The following TYMS variants were observed in gnomAD, a reference collection of about 807,000 sequenced individuals.
TYMS encodes thymidylate synthase.
TYMS carries 21 observed loss-of-function variants against 39.3 expected under a neutral mutation model. The ratio of observed to expected loss-of-function variants is 0.54; its 90% CI spans 0.38 to 0.77. The LOEUF is 0.77. TYMS is among the 30% of genes least tolerant of loss of function. The pLI, the probability that TYMS is intolerant of heterozygous loss-of-function variation, is 0.00. For missense variants in TYMS, 273 were observed against 406.7 expected (o/e 0.67, Z 2.83); for synonymous variants, 171 against 162.2 (o/e 1.05, Z -0.41).
Position 670,707 on chromosome 18 carries a change from C to T in TYMS, c.572C>T (p.Ala191Val), listed in dbSNP as rs376500183. The part of the protein sequence containing the change: ...AWNPRDLPLM[A>V]LPPCHALCQF... ...GGTTCCTCAGATCTTCCTCTGATGG[C>T]GCTGCCTCCATGCCATGCCCTCTGC... Residue 191 changes from alanine (A) to valine (V), a missense_variant, in exon 5 of 7, where the codon GCG (alanine) becomes GTG (valine). Physicochemically the swap from Ala to Val is moderately conservative, Grantham distance 64 (BLOSUM62 0). Around this residue, in one of 3 missense-constraint regions of TYMS, gnomAD observed 228 missense variants for 326.1 expected, o/e 0.70. Transcript: ENST00000323274. 37 of 1,613,896 alleles carry T rather than the reference C, an allele frequency of 2.3e-5. No homozygotes were observed. Among genetic ancestry groups the T allele is most frequent in the Admixed American group, 3.3e-5 (2 of 59,976 alleles).
chr18:659,742 A>T (rs1344775143), intron 2 of TYMS, 28 bp downstream of exon 2: 1 of 1,585,674 alleles, frequency 6.3e-7, no homozygotes, highest in Admixed American at 1.7e-5. Flanking sequence ...ATTAGAAGTC[A>T]GTAGTCTGTT....
chr18:659,989 G>A (rs772784745), intron 2 of TYMS, among the ~76,000 whole-genome samples: 22 of 152,188 alleles, frequency 1.4e-4, no homozygotes, highest in Non-Finnish European at 2.9e-4. Flanking sequence ...CATGAGAATT[G>A]CTCACGAGGC....
chr18:662,504 CTT>C (rs11411741), intron 3 of TYMS, among the ~76,000 whole-genome samples, 184 bp downstream of exon 3: 152 of 134,662 alleles, frequency 1.1e-3, no homozygotes, highest in African/African-American at 3.8e-3. Context: ...GTTTCACACT[CTT>C]TTTTTTTTTT....
chr18:666,338 C>T (rs1205865672), intron 3 of TYMS, among the ~76,000 whole-genome samples: 3 of 152,032 alleles, frequency 2.0e-5, no homozygotes, highest in East Asian at 1.9e-4. Flanking sequence ...TGAGCCACAG[C>T]GTGCTGTAGG....
chr18:667,430 A>C lies in TYMS; in HGVS notation c.455-1642A>C, dbSNP rs373913226. 1.2e-3 allele frequency among the ~76,000 whole-genome samples: 2 copies of C among 1,708 alleles called. 1 individual carries two copies. The highest frequency in any genetic ancestry group is 5.7e-3 in the African/African-American group (2 of 348). 1.1% of individuals were successfully genotyped at this position (1,708 alleles called of 152,430 possible). A position where few individuals can be genotyped will look rare whatever the true frequency, so the allele number is the denominator to read the frequency against. On this transcript the variant is annotated intron_variant, in intron 3 of 6. Transcript: ENST00000323274. ...GTGATGGTGATGGTGATGGTGATGG[A>C]GATGGTGATGGTGATGGTGATGGTG...
At chr18:664,945 T>C (rs925099863) in intron 3 of TYMS, among the ~76,000 whole-genome samples, 5 of 145,626 alleles carry the variant, frequency 3.4e-5, no homozygotes, top group Admixed American at 3.4e-4. Context: ...GAATTTTGCA[T>C]CAATGTTCAT....
intron 6 of TYMS, chr18:671,708 C>A: frequency 2.0e-6 from 1 of 500,184 alleles, no homozygotes; most frequent in Non-Finnish European, 3.5e-6. Flanking sequence ...ACATTCAAGC[C>A]AGGGGATTGT....
At chr18:661,464 T>G (rs776003394) in intron 2 of TYMS, among the ~76,000 whole-genome samples, 2 of 152,252 alleles carry the variant, frequency 1.3e-5, no homozygotes, top group African/African-American at 2.4e-5. Context: ...TTGAACAGAT[T>G]GCATGTAGGC....
chr18:659,420 C>G (rs1350816733), intron 1 of TYMS, among the ~76,000 whole-genome samples: 1 of 152,144 alleles, frequency 6.6e-6, no homozygotes, highest in Non-Finnish European at 1.5e-5. Context: ...CCTGTGTCCA[C>G]TGGTCACCGG....
chr18:662,386 T>C, intron 3 of TYMS, 66 bp downstream of exon 3: 1 of 1,449,780 alleles, frequency 6.9e-7, no homozygotes, highest in Non-Finnish European at 9.4e-7. Flanking sequence ...TGCTCCGTTG[T>C]TTTAGATAAG....
chr18:666,960 T>G (rs1598468309), intron 3 of TYMS, among the ~76,000 whole-genome samples: 1 of 22,622 alleles, frequency 4.4e-5, no homozygotes, highest in Non-Finnish European at 8.4e-5. Flanking sequence ...GTGATGGAGA[T>G]GGAGATGGTG....
chr18:671,191 T>C (rs2075030059), intron 5 of TYMS, 189 bp from the exon 6 acceptor site: 1 of 617,306 alleles, frequency 1.6e-6, no homozygotes, highest in Non-Finnish European at 2.8e-6. Context: ...AGCAATTGCT[T>C]GAGGTCTGGA....
At chr18:670,166 CCA>C (rs1465324207) in intron 4 of TYMS, among the ~76,000 whole-genome samples, 13 of 151,676 alleles carry the variant, frequency 8.6e-5, no homozygotes, top group Non-Finnish European at 1.9e-4. Flanking sequence ...TTCCTCAGCC[CCA>C]GAGCTGGGAC....
Position 667,481 on chromosome 18 carries a change from TGATGGTGATGGTGATGGA to T in TYMS, c.455-1573_455-1556del, listed in dbSNP as rs2074874310. 3.6e-4 allele frequency among the ~76,000 whole-genome samples: 8 copies of T among 22,192 alleles called. 1 individual carries two copies. The highest frequency in any genetic ancestry group is 5.5e-4 in the Non-Finnish European group (7 of 12,844). 14.6% of individuals were successfully genotyped at this position (22,192 alleles called of 152,430 possible). A position where few individuals can be genotyped will look rare whatever the true frequency, so the allele number is the denominator to read the frequency against. ...ATGATGGAGATGGTGATGGTGATGG[TGATGGTGATGGTGATGGA>T]GATGGTGATGGTGATGGTGATGGTG... On this transcript the variant is annotated intron_variant, in intron 3 of 6. Coordinates refer to ENST00000323274, the MANE Select transcript of TYMS (RefSeq NM_001071.4).
chr18:658,122 A>C lies in TYMS; in HGVS notation c.205+175A>C. On this transcript the variant is annotated intron_variant, in intron 1 of 6. Coordinates refer to ENST00000323274, the MANE Select transcript of TYMS (RefSeq NM_001071.4). This position sits in a 1 kb window ranked among gnomAD's most constrained non-coding sequence, Gnocchi z 4.5. ...AGACGCCGAAACGGAGGGTCCCATT[A>C]GGGACGTGACTGGCGCGGGCAACAC... The C allele has an allele frequency of 6.3e-7, 1 of 1,587,072 alleles. No homozygotes were observed. Among genetic ancestry groups the C allele is most frequent in the Non-Finnish European group, 8.5e-7 (1 of 1,170,156 alleles).
intron 3 of TYMS, among the ~76,000 whole-genome samples, chr18:666,221 A>T (rs926771413): frequency 2.6e-5 from 4 of 151,396 alleles, no homozygotes; most frequent in African/African-American, 9.8e-5. Flanking sequence ...TCATCGGCAG[A>T]TAGCTGCATG....
At position 669,239 on chromosome 18, in the gene TYMS, G is replaced by T. The variant is rs560539796; in HGVS notation, c.556+66G>T. The T allele has an allele frequency of 8.5e-6, 12 of 1,419,606 alleles. No homozygotes were observed. In the South Asian group the frequency reaches 1.3e-4, roughly 16 times the overall value. 87.9% of individuals were successfully genotyped at this position (1,419,606 alleles called of 1,614,324 possible). A position where few individuals can be genotyped will look rare whatever the true frequency, so the allele number is the denominator to read the frequency against. Reference sequence around the variant, plus strand: ...TCTTAGAGGGAAGCAATCTGGTTTTGTGCAGAGGCACCTGAGGGAGGCAGG... The same window carrying T: ...TCTTAGAGGGAAGCAATCTGGTTTTTTGCAGAGGCACCTGAGGGAGGCAGG... On this transcript the variant is annotated intron_variant, in intron 4 of 6. Coordinates refer to ENST00000323274, the MANE Select transcript of TYMS (RefSeq NM_001071.4).
At position 670,894 on chromosome 18, in the gene TYMS, G is replaced by A. The variant is rs1428804868; in HGVS notation, c.732+27G>A. The A allele has an allele frequency of 3.1e-6, 5 of 1,612,380 alleles. No homozygotes were observed. The Admixed American group carries it at 6.7e-5, about 22-fold the overall frequency. On this transcript the variant is annotated intron_variant, in intron 5 of 6. Transcript: ENST00000323274. Reference sequence around the variant, plus strand: ...TGGGCTGTCTCGGGAAGGGTGACTTGCCAGCCTACCACACTGAGCTCTTCA... The same window carrying A: ...TGGGCTGTCTCGGGAAGGGTGACTTACCAGCCTACCACACTGAGCTCTTCA...
rs1255807993 is a variant in TYMS, at chr18:669,077, T to G, written c.460T>G (p.Ser154Ala). The change falls in exon 4 of 7, where the codon TCA (serine) becomes GCA (alanine). Residue 154 changes from serine to alanine, a missense_variant. Transcript: ENST00000323274. ...TCTTTTTGACAATTCTACAGATTAT[T>G]CAGGACAGGGAGTTGACCAACTGCA... ...AEYRDMESDY[S>A]GQGVDQLQRV... 2 of 1,613,554 alleles carry G rather than the reference T, an allele frequency of 1.2e-6. No individual in the cohort carries two copies. Among genetic ancestry groups the G allele is most frequent in the Non-Finnish European group, 1.7e-6 (2 of 1,179,572 alleles).
Sources: gnomAD v4.1 joint callset for allele counts (sites outside exome capture counted in the v4.1 genomes callset) on GRCh38, gnomAD v4.1.1 for gene constraint, gnomAD v4.1.1 regional missense constraint, Gnocchi (gnomAD v3.1) non-coding constraint, MANE v1.5 for transcripts, NCBI Gene and HGNC (gene_info 2026-07-23, HGNC 2026-07-21) for gene names.